Variants in ST8SIA6 observed in about 807,000 individuals in gnomAD.
The protein encoded by ST8SIA6 is alpha-2,8-sialyltransferase 8F.
A neutral mutation model predicts 33.6 loss-of-function variants in ST8SIA6; 39 were observed. That is an observed-to-expected ratio of 1.16 (90% CI 0.90 to 1.52). The LOEUF (loss-of-function observed/expected upper bound fraction) is 1.52, where lower values mean the gene tolerates loss of function less well. Ranked by LOEUF, ST8SIA6 falls within the 40% of genes most tolerant of loss-of-function variation. ST8SIA6 has a pLI of 0.00. For synonymous variants in ST8SIA6, 172 were observed against 167.2 expected (o/e 1.03, Z -0.22); for missense variants, 441 against 443.8 (o/e 0.99, Z 0.06).
At chr10:17,451,150 A>G (rs1048802566) in intron 2 of ST8SIA6, among the ~76,000 whole-genome samples, 1 of 152,212 alleles carries the variant, frequency 6.6e-6, no homozygotes, top group Non-Finnish European at 1.5e-5. Context: ...CTTATTCCCA[A>G]CAGCAAAGTC....
intron 2 of ST8SIA6, chr10:17,410,297 T>C (rs946837899): frequency 9.2e-5 from 14 of 152,234 alleles, no homozygotes; most frequent in African/African-American, 3.4e-4. Context: ...TAGCAAGTGA[T>C]ATGTCTCATC....
At chr10:17,365,159 A>G (rs1333135589) in intron 3 of ST8SIA6, among the ~76,000 whole-genome samples, 2 of 152,238 alleles carry the variant, frequency 1.3e-5, no homozygotes, top group African/African-American at 4.8e-5. Flanking sequence ...AATAATGTCT[A>G]TTTAAATCAT....
intron 6 of ST8SIA6, among the ~76,000 whole-genome samples, chr10:17,325,967 A>T (rs867815205): frequency 1.8e-4 from 28 of 152,328 alleles, no homozygotes; most frequent in Middle Eastern, 3.4e-3. Context: ...TAAGCCTATA[A>T]AAAGTCTACT....
At chr10:17,342,021 A>G (rs2131598071) in intron 4 of ST8SIA6, among the ~76,000 whole-genome samples, 1 of 152,202 alleles carries the variant, frequency 6.6e-6, no homozygotes, top group South Asian at 2.1e-4. Flanking sequence ...CTGATCTTAT[A>G]CTTCACAGCC....
intron 2 of ST8SIA6, among the ~76,000 whole-genome samples, chr10:17,452,417 A>G (rs1852945315): frequency 1.3e-5 from 2 of 152,358 alleles, no homozygotes; most frequent in South Asian, 4.1e-4. Flanking sequence ...AGAGATAAAA[A>G]GAGGAAAAGA....
intron 2 of ST8SIA6, among the ~76,000 whole-genome samples, chr10:17,451,230 C>G (rs1422411992): frequency 1.3e-5 from 2 of 152,158 alleles, no homozygotes; most frequent in Admixed American, 1.3e-4. Flanking sequence ...GTACCACATA[C>G]TAGAACTCAG....
At chr10:17,386,698 G>A (rs1479307339) in intron 3 of ST8SIA6, among the ~76,000 whole-genome samples, 1 of 152,186 alleles carries the variant, frequency 6.6e-6, no homozygotes, top group Non-Finnish European at 1.5e-5. Context: ...ATGAATGCCT[G>A]AAGGCAGACC....
In ST8SIA6 at chr10:17,351,373, G is replaced by A. The variant is rs17140642; in HGVS notation, c.377+8141C>T. ...TCTACCTCTTCATTTGTTAAATGGG[G>A]TTAAAAAAAAAGTTAAATTTCTTCC... is the stretch of plus-strand genomic sequence containing the variant. On this transcript the variant is annotated intron_variant, in intron 4 of 7. Coordinates refer to ENST00000377602, the MANE Select transcript of ST8SIA6 (RefSeq NM_001004470.3). Among the ~76,000 whole-genome samples the A allele has an allele frequency of 2.5e-3, 374 of 150,010 alleles. 2 individuals are homozygous for A. The highest frequency in any genetic ancestry group is 8.9e-3 in the African/African-American group (360 of 40,634).
intron 2 of ST8SIA6, among the ~76,000 whole-genome samples, chr10:17,406,658 G>A (rs953602627): frequency 1.3e-5 from 2 of 152,118 alleles, no homozygotes; most frequent in Non-Finnish European, 2.9e-5. Context: ...GTCTTGGCAG[G>A]CCTCTTAAGG....
chr10:17,348,304 T>A (rs982039912), intron 4 of ST8SIA6, among the ~76,000 whole-genome samples: 2 of 151,956 alleles, frequency 1.3e-5, no homozygotes, highest in African/African-American at 4.8e-5. Flanking sequence ...GTTTTGTAAT[T>A]ATAATGCTGA....
At chr10:17,445,112 G>C (rs1165833210) in intron 2 of ST8SIA6, among the ~76,000 whole-genome samples, 2 of 149,166 alleles carry the variant, frequency 1.3e-5, no homozygotes, top group African/African-American at 2.5e-5. Flanking sequence ...AAGTGTTCTA[G>C]AGTTAGGGTT....
At chr10:17,400,303 T>TC (rs1401041334) in intron 2 of ST8SIA6, among the ~76,000 whole-genome samples, 1 of 151,952 alleles carries the variant, frequency 6.6e-6, no homozygotes, top group African/African-American at 2.4e-5. Flanking sequence ...GAGGCCGAGG[T>TC]TGGTGGATCA....
intron 2 of ST8SIA6, among the ~76,000 whole-genome samples, chr10:17,413,754 T>C (rs1025220492): frequency 6.6e-5 from 10 of 152,224 alleles, no homozygotes; most frequent in Non-Finnish European, 2.9e-5. Flanking sequence ...TTGTTCATGA[T>C]AGTTGTAGTA....
chr10:17,333,701 ATATATATATATATATATTTTTT>A (rs1272382812), intron 4 of ST8SIA6, among the ~76,000 whole-genome samples: 1 of 23,898 alleles, frequency 4.2e-5, no homozygotes, highest in Non-Finnish European at 7.0e-5. Flanking sequence ...ATATATATAT[ATATATATATATATATATTTTTT>A]TTTTTTTTTT....
At chr10:17,371,176 G>A (rs944103046) in intron 3 of ST8SIA6, among the ~76,000 whole-genome samples, 3 of 152,166 alleles carry the variant, frequency 2.0e-5, no homozygotes, top group Admixed American at 6.5e-5. Context: ...GGATAGACAC[G>A]TCATTAACTG....
chr10:17,449,573 G>A (rs533133198), intron 2 of ST8SIA6, among the ~76,000 whole-genome samples: 1 of 152,290 alleles, frequency 6.6e-6, no homozygotes, highest in East Asian at 1.9e-4. Context: ...ATTTTCTGCA[G>A]CCTCAAGAGA....
intron 2 of ST8SIA6, among the ~76,000 whole-genome samples, chr10:17,425,631 AAG>A (rs1303113122): frequency 8.8e-6 from 1 of 113,656 alleles, no homozygotes; most frequent in East Asian, 2.9e-4. Context: ...GAAAGAAAGA[AAG>A]AGAGGAAGAA....
At chr10:17,440,207 A>ATTTTTTTTTTTTT (rs199531697) in intron 2 of ST8SIA6, among the ~76,000 whole-genome samples, 1 of 135,896 alleles carries the variant, frequency 7.4e-6, no homozygotes, top group African/African-American at 2.9e-5. Context: ...TCTCAAATGT[A>ATTTTTTTTTTTTT]TTTTTTTTTT....
Position 17,350,718 on chromosome 10 carries a change from T to C in ST8SIA6, c.377+8796A>G, listed in dbSNP as rs149981406. 3.9e-5 allele frequency among the ~76,000 whole-genome samples: 6 copies of C among 152,022 alleles called. No individual in the cohort carries two copies. In the East Asian group the frequency reaches 1.2e-3, roughly 30 times the overall value. Reference sequence around the variant, plus strand: ...GTTGTCTATTGAACTAGCCACTTGGTACATTGGGAAAAATCCCAGCAACCT... The same window carrying C: ...GTTGTCTATTGAACTAGCCACTTGGCACATTGGGAAAAATCCCAGCAACCT... On this transcript the variant is annotated intron_variant, in intron 4 of 7. Transcript: ENST00000377602.
Sources: allele counts gnomAD v4.1 joint callset (sites outside exome capture counted in the v4.1 genomes callset), GRCh38; gene constraint gnomAD v4.1.1; transcripts MANE v1.5; gene names NCBI Gene and HGNC (gene_info 2026-07-23, HGNC 2026-07-21).